Variants in PDE6A observed in about 807,000 individuals in gnomAD.
PDE6A encodes rod cGMP-specific 3',5'-cyclic phosphodiesterase subunit alpha.
Under a neutral mutation model 106.3 loss-of-function variants are expected in PDE6A, and 84 were observed. The ratio of observed to expected loss-of-function variants is 0.79; its 90% CI spans 0.66 to 0.95. The LOEUF is 0.95. Among genes scored for constraint, PDE6A ranks in the 40% least tolerant of loss-of-function variants. PDE6A has a pLI of 0.00. For synonymous variants in PDE6A, 394 were observed against 386.6 expected (o/e 1.02, Z -0.23); for missense variants, 1,052 against 1,084.9 (o/e 0.97, Z 0.43).
intron 17 of PDE6A, among the ~76,000 whole-genome samples, chr5:149,873,765 C>A (rs541787930): frequency 6.6e-6 from 1 of 152,248 alleles, no homozygotes; most frequent in South Asian, 2.1e-4. Flanking sequence ...TTTGGTCAGA[C>A]TGTCAGAAGC....
chr5:149,906,586 T>A (rs1216938868), intron 7 of PDE6A, among the ~76,000 whole-genome samples: 3 of 145,334 alleles, frequency 2.1e-5, no homozygotes, highest in Non-Finnish European at 4.5e-5. Flanking sequence ...ATTTAGCCCC[T>A]TCCTCCCTCT....
At chr5:149,921,585 C>T (rs184062546) in intron 5 of PDE6A, 50 bp downstream of exon 5, 871 of 1,444,430 alleles carry the variant, frequency 6.0e-4, no homozygotes, top group Non-Finnish European at 7.8e-4. Context: ...TTTACTGTGC[C>T]TTGCATTTGA....
chr5:149,885,207 A>C (rs1451749579), intron 14 of PDE6A, among the ~76,000 whole-genome samples: 3 of 152,252 alleles, frequency 2.0e-5, no homozygotes, highest in Non-Finnish European at 4.4e-5. Context: ...TTTGTTGAGC[A>C]CTTGCTATGT....
intron 15 of PDE6A, 30 bp downstream of exon 15, chr5:149,884,750 C>T (rs369935018): frequency 9.5e-5 from 151 of 1,581,988 alleles, no homozygotes; most frequent in Non-Finnish European, 1.1e-4. Context: ...CCAGGCCCCG[C>T]GGCCTGTAGA....
intron 7 of PDE6A, among the ~76,000 whole-genome samples, chr5:149,906,519 C>CAAAAAGAAAAAAAAAAAAAAAAA (rs1753189010): frequency 1.8e-5 from 1 of 54,204 alleles, no homozygotes; most frequent in Non-Finnish European, 4.0e-5. Context: ...GAGACACTGT[C>CAAAAAGAAAAAAAAAAAAAAAAA]AAAAAAAAAA....
intron 1 of PDE6A, among the ~76,000 whole-genome samples, chr5:149,936,535 C>A (rs2113664014): frequency 6.6e-6 from 1 of 152,234 alleles, no homozygotes; most frequent in Middle Eastern, 3.4e-3. Context: ...AATATTTGGG[C>A]CTCACCTGCA....
At chr5:149,901,411 C>T (rs1355611564) in intron 8 of PDE6A, among the ~76,000 whole-genome samples, 2 of 152,010 alleles carry the variant, frequency 1.3e-5, no homozygotes, top group East Asian at 1.9e-4. Flanking sequence ...GCCTGTAATC[C>T]CAGCCACTCA....
rs183214433 is a variant in PDE6A at position 149,891,414 on chromosome 5, G to A, written c.1728+3769C>T. ...GAACCTGGGAGATGGAGGTTGCAGT[G>A]AGCCGAGATCACATCGCTGTACTCC... On this transcript the variant is annotated intron_variant, in intron 13 of 21. Transcript: ENST00000255266. Among the ~76,000 whole-genome samples, 18 of 152,338 alleles carry A rather than the reference G, an allele frequency of 1.2e-4. No homozygotes were observed. In the East Asian group the frequency reaches 2.7e-3, roughly 23 times the overall value.
chr5:149,860,800 T>C lies in PDE6A; in HGVS notation c.*95A>G. ...TCTAACAGCTTTCAAATCCTATGAC[T>C]CTTCTACTTCTCAAGGTGTGTGGTC... On this transcript the variant is annotated 3_prime_UTR_variant, in exon 22 of 22. Transcript: ENST00000255266. 1.9e-6 allele frequency: 2 copies of C among 1,027,496 alleles called. No homozygotes were observed. Among genetic ancestry groups the C allele is most frequent in the Middle Eastern group, 2.3e-4 (1 of 4,282 alleles). The allele number at this position is 1,027,496 out of a possible 1,614,324, so 63.6% of individuals were successfully genotyped here. A position where few individuals can be genotyped will look rare whatever the true frequency, so the allele number is the denominator to read the frequency against.
At chr5:149,895,046 C>G (rs970896257) in intron 13 of PDE6A, 137 bp downstream of exon 13, 2 of 690,696 alleles carry the variant, frequency 2.9e-6, no homozygotes, top group South Asian at 3.1e-5. Flanking sequence ...ACACTAAGCC[C>G]GTACTGCTTT....
chr5:149,911,339 AC>A (rs1393845304), intron 6 of PDE6A, among the ~76,000 whole-genome samples: 1 of 152,148 alleles, frequency 6.6e-6, no homozygotes, highest in African/African-American at 2.4e-5. Flanking sequence ...CTTTAAAATG[AC>A]CAATCTGCTT....
chr5:149,921,294 A>G (rs950593449), intron 5 of PDE6A, among the ~76,000 whole-genome samples: 3 of 152,104 alleles, frequency 2.0e-5, no homozygotes, highest in African/African-American at 7.2e-5. Context: ...AGTGCTTAGA[A>G]AGAAAGAAAG....
At chr5:149,898,888 G>A (rs546348323) in intron 9 of PDE6A, among the ~76,000 whole-genome samples, 1 of 152,136 alleles carries the variant, frequency 6.6e-6, no homozygotes, top group East Asian at 1.9e-4. Context: ...TTTTGAGACA[G>A]GGTCTTGCTC....
chr5:149,912,012 A>T (rs1363110745), intron 6 of PDE6A, among the ~76,000 whole-genome samples: 1 of 152,168 alleles, frequency 6.6e-6, no homozygotes, highest in African/African-American at 2.4e-5. Context: ...CTAATTAAAT[A>T]AATAAAATTC....
chr5:149,903,756 G>T, intron 7 of PDE6A, 61 bp from the exon 8 acceptor site: 1 of 1,227,468 alleles, frequency 8.1e-7, no homozygotes, highest in Non-Finnish European at 1.2e-6. Context: ...GCCCAGTGAA[G>T]CACTGTATAC....
At chr5:149,942,872 C>G (rs373389190) in intron 1 of PDE6A, among the ~76,000 whole-genome samples, 5 of 152,052 alleles carry the variant, frequency 3.3e-5, no homozygotes, top group African/African-American at 1.2e-4. Flanking sequence ...CAGCATGTCC[C>G]ACCTCCAGCC....
chr5:149,874,820 C>T (rs1364215295), intron 17 of PDE6A, among the ~76,000 whole-genome samples: 4 of 152,174 alleles, frequency 2.6e-5, no homozygotes, highest in African/African-American at 4.8e-5. Context: ...GAACCAGGAA[C>T]GAAGACCAAA....
chr5:149,865,518 CCA>C (rs1452125572), intron 20 of PDE6A, among the ~76,000 whole-genome samples: 2 of 152,156 alleles, frequency 1.3e-5, no homozygotes, highest in African/African-American at 2.4e-5. Flanking sequence ...TCAGAGCACC[CCA>C]GTTAGTCTGA....
intron 7 of PDE6A, 51 bp from the exon 8 acceptor site, chr5:149,903,746 GC>G: frequency 7.4e-7 from 1 of 1,358,822 alleles, no homozygotes; most frequent in Non-Finnish European, 1.1e-6. Context: ...CTGAGAGGGT[GC>G]CCAGTGAAGC....
Sources: gnomAD v4.1 joint callset for allele counts (sites outside exome capture counted in the v4.1 genomes callset) on GRCh38, gnomAD v4.1.1 for gene constraint, MANE v1.5 for transcripts, NCBI Gene and HGNC (gene_info 2026-07-23, HGNC 2026-07-21) for gene names.